Variants in LRRK1 observed in about 807,000 individuals in gnomAD.
LRRK1 encodes leucine-rich repeat serine/threonine-protein kinase 1.
Under a neutral mutation model 209.1 loss-of-function variants are expected in LRRK1, and 113 were observed. That is an observed-to-expected ratio of 0.54 (90% CI 0.46 to 0.63). The LOEUF (loss-of-function observed/expected upper bound fraction) is 0.63. Ranked by LOEUF, LRRK1 falls within the 30% of genes least tolerant of loss-of-function variation. The pLI is 0.00. For missense variants in LRRK1, 2,284 were observed against 2,632.2 expected, an observed-to-expected ratio of 0.87 and a Z score of 2.89; for synonymous variants, 1,144 against 1,099.7, an observed-to-expected ratio of 1.04 and a Z score of -0.80.
chr15:100,975,298 A>G (rs545299942), intron 3 of LRRK1, among the ~76,000 whole-genome samples: 1 of 152,356 alleles, frequency 6.6e-6, no homozygotes, highest in East Asian at 1.9e-4. Flanking sequence ...GTGCAGATTC[A>G]GGGATGTGGC....
Position 101,049,784 on chromosome 15 carries a change from G to A in LRRK1, c.3439+1G>A. 1 of 1,612,210 alleles carries A rather than the reference G, an allele frequency of 6.2e-7. No homozygotes were observed. Among genetic ancestry groups the A allele is most frequent in the East Asian group, 2.2e-5 (1 of 44,812 alleles). ...TCCTTGATTGATCAGTGGTTTCCCG[G>A]TAAGAGGAGATGCTAGAAGCAAGCC... On this transcript the variant is annotated splice_donor_variant, in intron 23 of 33. Transcript: ENST00000388948. LOFTEE classifies it high-confidence loss of function.
At position 101,022,828 on chromosome 15, in the gene LRRK1, T is replaced by C. The variant is rs1596287442; in HGVS notation, c.2067+231T>C. Among the ~76,000 whole-genome samples the C allele has an allele frequency of 2.7e-5, 4 of 150,692 alleles. No homozygotes were observed. In the South Asian group the frequency reaches 8.3e-4, roughly 31 times the overall value. On this transcript the variant is annotated intron_variant, in intron 15 of 33. Coordinates refer to ENST00000388948, the MANE Select transcript of LRRK1 (RefSeq NM_024652.6). The surrounding 1 kb of genome is among the most constrained non-coding windows in gnomAD (Gnocchi z 4.0). Reference sequence around the variant, plus strand: ...TTTCTTTACTTTTCTTTTTTTTTTTTCTTGAGACAGGGTTTCACTGTGTCT... The same window carrying C: ...TTTCTTTACTTTTCTTTTTTTTTTTCCTTGAGACAGGGTTTCACTGTGTCT...
At position 101,066,735 on chromosome 15, in the gene LRRK1, C is replaced by T. The variant is rs771248375; in HGVS notation, c.5864C>T (p.Pro1955Leu). The change falls in exon 33 of 34, where the codon CCG becomes CTG. Residue 1955 changes from proline (P) to leucine (L), a missense_variant. Pro to Leu is a moderately conservative substitution (Grantham distance 98). Transcript: ENST00000388948. Reference sequence around the variant, plus strand: ...GTCTTAAAAGCCCGAGAGCTGACTCCGCATGGGTAAGACTGAGTGGCAGCT... The same window carrying T: ...GTCTTAAAAGCCCGAGAGCTGACTCTGCATGGGTAAGACTGAGTGGCAGCT... ...IAVLKARELT[P>L]HGVLVDAAVV... The T allele has an allele frequency of 6.8e-6, 11 of 1,613,546 alleles. No individual in the cohort carries two copies. Among genetic ancestry groups the T allele is most frequent in the South Asian group, 4.4e-5 (4 of 91,076 alleles).
chr15:100,969,106 C>G (rs1251448125), intron 2 of LRRK1, among the ~76,000 whole-genome samples: 1 of 152,170 alleles, frequency 6.6e-6, no homozygotes, highest in Non-Finnish European at 1.5e-5. Context: ...TTCCAAATTG[C>G]TGGGATTACA....
Position 101,047,377 on chromosome 15 carries a change from G to A in LRRK1, c.3136-1117G>A, listed in dbSNP as rs368767947. ...TGGGCGCAGGCGCTGGTGCTCCTACGTTCCCATTCCTCTGCCCTCCCTTTG... is the reference window on the plus strand; with the variant it reads ...TGGGCGCAGGCGCTGGTGCTCCTACATTCCCATTCCTCTGCCCTCCCTTTG... On this transcript the variant is annotated intron_variant, in intron 21 of 33. Transcript: ENST00000388948. Among the ~76,000 whole-genome samples the A allele has an allele frequency of 1.5e-4, 23 of 152,322 alleles. No homozygotes were observed. The South Asian group carries it at 2.1e-3, about 14-fold the overall frequency.
chr15:100,979,490 A>G (rs1260760731), intron 3 of LRRK1, among the ~76,000 whole-genome samples: 1 of 152,230 alleles, frequency 6.6e-6, no homozygotes, highest in Non-Finnish European at 1.5e-5. Context: ...TATGAAAGAA[A>G]TAAATTAAAC....
intron 2 of LRRK1, among the ~76,000 whole-genome samples, chr15:100,927,480 A>G (rs1442210175): frequency 6.6e-6 from 1 of 152,160 alleles, no homozygotes; most frequent in African/African-American, 2.4e-5. Context: ...AGGGACACAC[A>G]CAAGGGCCAA....
chr15:100,928,653 A>C (rs1362511404), intron 2 of LRRK1, among the ~76,000 whole-genome samples: 1 of 152,228 alleles, frequency 6.6e-6, no homozygotes, highest in Non-Finnish European at 1.5e-5. Flanking sequence ...CACTTTAAAA[A>C]AGAGTGTCTA....
In LRRK1 at chr15:100,974,017, G is replaced by C. The variant is rs1239983367; in HGVS notation, c.261+50G>C. On this transcript the variant is annotated intron_variant, in intron 3 of 33. Coordinates refer to ENST00000388948, the MANE Select transcript of LRRK1 (RefSeq NM_024652.6). ...CCACCCATGCAGCCCCGGGCTGGAC[G>C]AAGGGGACCGCTCAGATGATTTTCT... 2.4e-6 allele frequency: 3 copies of C among 1,225,708 alleles called. No homozygotes were observed. The South Asian group carries it at 1.2e-4, about 49-fold the overall frequency. The allele number at this position is 1,225,708 out of a possible 1,614,324, so 75.9% of individuals were successfully genotyped here.
At chr15:100,973,605 C>T (rs932817784) in intron 2 of LRRK1, among the ~76,000 whole-genome samples, 199 bp from the exon 3 acceptor site, 1 of 152,198 alleles carries the variant, frequency 6.6e-6, no homozygotes, top group African/African-American at 2.4e-5. Context: ...CCGCCCGGTG[C>T]CTTCGCAGCG....
chr15:100,984,091 T>A (rs1201285326), intron 4 of LRRK1, among the ~76,000 whole-genome samples: 1 of 152,134 alleles, frequency 6.6e-6, no homozygotes, highest in Non-Finnish European at 1.5e-5. Context: ...CACAAGAATA[T>A]CTAGGTAAGA....
At chr15:101,050,069 C>T (rs145754915) in intron 23 of LRRK1, among the ~76,000 whole-genome samples, 39 of 152,254 alleles carry the variant, frequency 2.6e-4, no homozygotes, top group African/African-American at 8.7e-4. Flanking sequence ...ACTGGTACCA[C>T]GAGTGGTCCA....
intron 2 of LRRK1, among the ~76,000 whole-genome samples, chr15:100,945,650 C>T (rs1300092312): frequency 6.6e-6 from 1 of 151,856 alleles, no homozygotes; most frequent in African/African-American, 2.4e-5. Flanking sequence ...CCCACCAACA[C>T]ACTGGCTAAT....
At chr15:100,933,959 C>T (rs1487793032) in intron 2 of LRRK1, among the ~76,000 whole-genome samples, 3 of 149,676 alleles carry the variant, frequency 2.0e-5, no homozygotes, top group African/African-American at 7.4e-5. Flanking sequence ...ATTTTCATAG[C>T]GTTGTGCTCC....
At chr15:100,935,994 G>C (rs565957495) in intron 2 of LRRK1, among the ~76,000 whole-genome samples, 1 of 152,164 alleles carries the variant, frequency 6.6e-6, no homozygotes, top group South Asian at 2.1e-4. Flanking sequence ...CCTAGACCTG[G>C]TACAGCATCA....
intron 4 of LRRK1, among the ~76,000 whole-genome samples, chr15:100,987,242 C>T (rs571832374): frequency 6.6e-5 from 10 of 152,188 alleles, no homozygotes; most frequent in Admixed American, 5.2e-4. Flanking sequence ...TGTCCTGTCG[C>T]GAAGGAGAGA....
chr15:100,973,146 G>A lies in LRRK1; in HGVS notation c.98-658G>A, dbSNP rs1006543278. ...TGAGTGACCGCCGCTTTTGCTGAAC[G>A]GCCCGGGCGCTGGGTCGCGGCCTCC... On this transcript the variant is annotated intron_variant, in intron 2 of 33. Coordinates refer to ENST00000388948, the MANE Select transcript of LRRK1 (RefSeq NM_024652.6). Among the ~76,000 whole-genome samples the A allele has an allele frequency of 3.9e-5, 6 of 152,212 alleles. No individual in the cohort carries two copies. The East Asian group carries it at 5.8e-4, about 15-fold the overall frequency.
rs35045867 is a variant in LRRK1, at chr15:100,971,967, A to ATT, written c.98-1824_98-1823dup. Among the ~76,000 whole-genome samples the ATT allele has an allele frequency of 2.1e-3, 313 of 147,326 alleles. 4 individuals are homozygous for ATT. The South Asian group carries it at 0.024, about 11-fold the overall frequency. ...CCTGGCTGTTGCAAATGACAAAAGA[A>ATT]TTTTTTTTTTTTTTAGACAGAGTTT... On this transcript the variant is annotated intron_variant, in intron 2 of 33. Transcript: ENST00000388948.
chr15:100,959,768 T>G (rs1487204316), intron 2 of LRRK1, among the ~76,000 whole-genome samples: 3 of 152,182 alleles, frequency 2.0e-5, no homozygotes, highest in African/African-American at 7.2e-5. Flanking sequence ...TATTCAGACA[T>G]CTTAAATACT....
Sources: gnomAD v4.1 joint callset for allele counts (sites outside exome capture counted in the v4.1 genomes callset) on GRCh38, gnomAD v4.1.1 for gene constraint, Gnocchi (gnomAD v3.1) non-coding constraint, MANE v1.5 for transcripts, NCBI Gene and HGNC (gene_info 2026-07-23, HGNC 2026-07-21) for gene names.